The following RADIL variants were observed in gnomAD, a reference collection of about 807,000 sequenced individuals.
The protein encoded by RADIL is Rap associating with DIL domain, also known as ras-associating and dilute domain-containing protein.
Under a neutral mutation model 97.6 loss-of-function variants are expected in RADIL, and 99 were observed. The ratio of observed to expected loss-of-function variants is 1.01; its 90% CI spans 0.86 to 1.20. RADIL has a LOEUF of 1.20. RADIL is among the 50% of genes most tolerant of loss of function. The probability of loss-of-function intolerance (pLI) is 0.00; values close to 1 mark genes in which losing one functional copy is unlikely to be tolerated. For missense variants in RADIL, 1,765 were observed against 1,498.9 expected, an observed-to-expected ratio of 1.18 and a Z score of -2.93; for synonymous variants, 803 against 691.8, an observed-to-expected ratio of 1.16 and a Z score of -2.52.
At position 4,873,927 on chromosome 7, in the gene RADIL, C is replaced by A. The variant is rs1466311088; in HGVS notation, c.535+3678G>T. ...TGGAGAAGCTGCTACAGTGAAAAAC[C>A]CCTCGGCTTCCCACCTCCTCCCCTT... On this transcript the variant is annotated intron_variant, in intron 2 of 14. Transcript: ENST00000399583. The surrounding 1 kb of genome is among the most constrained non-coding windows in gnomAD (Gnocchi z 4.3). Among the ~76,000 whole-genome samples, 1 of 152,220 alleles carries A rather than the reference C, an allele frequency of 6.6e-6. No individual in the cohort carries two copies. The highest frequency in any genetic ancestry group is 1.9e-4 in the East Asian group (1 of 5,182).
At chr7:4,862,002 G>T in intron 2 of RADIL, 1 of 440,012 alleles carries the variant, frequency 2.3e-6, no homozygotes, top group Non-Finnish European at 4.0e-6. Flanking sequence ...CATGGCGCCA[G>T]ACCCCTCAGC....
At chr7:4,860,923 A>G in intron 2 of RADIL, 1 of 1,614,208 alleles carries the variant, frequency 6.2e-7, no homozygotes, top group South Asian at 1.1e-5. Flanking sequence ...CAGGCAAATT[A>G]AGATTCCGTT....
chr7:4,798,069 T>C lies in RADIL; in HGVS notation c.*1309A>G, dbSNP rs1583250939. Reference sequence around the variant, plus strand: ...ATTACGTATACATGAATATGTAATATATTCATATATAATTATATATTTATA... The same window carrying C: ...ATTACGTATACATGAATATGTAATACATTCATATATAATTATATATTTATA... On this transcript the variant is annotated 3_prime_UTR_variant, in exon 15 of 15. Transcript: ENST00000399583. The C allele has an allele frequency of 6.8e-6, 1 of 146,754 alleles. No individual in the cohort carries two copies. 9.1% of individuals were successfully genotyped at this position (146,754 alleles called of 1,614,324 possible).
chr7:4,834,822 G>C lies in RADIL; in HGVS notation c.1201C>G (p.Arg401Gly). 1 of 1,314,142 alleles carries C rather than the reference G, an allele frequency of 7.6e-7. No individual in the cohort carries two copies. The highest frequency in any genetic ancestry group is 9.7e-7 in the Non-Finnish European group (1 of 1,028,294). The allele number at this position is 1,314,142 out of a possible 1,614,324, so 81.4% of individuals were successfully genotyped here. ...AASPTQAALP[R>G]RQQLLLEFEP... ...AACTCCAGGAGCAGCTGCTGGCGCC[G>C]GGGCAGGGCGGCCTGAGTAGGGGAG... The change falls in exon 4 of 15, where the codon CGG (arginine) becomes GGG (glycine). Residue 401 changes from arginine (R) to glycine (G), a missense_variant. By Grantham distance (125) the Arg-to-Gly change is moderately radical. Transcript: ENST00000399583. The surrounding 1 kb of genome is among the most constrained non-coding windows in gnomAD (Gnocchi z 6.0).
In RADIL at chr7:4,824,474, T is replaced by C. The variant is rs559466441; in HGVS notation, c.1455-1920A>G. 1.3e-5 allele frequency among the ~76,000 whole-genome samples: 2 copies of C among 152,312 alleles called. No homozygotes were observed. Among genetic ancestry groups the C allele is most frequent in the South Asian group, 4.1e-4 (2 of 4,824 alleles). ...GGCTGAGGCCCTGTTTTCCTCCCTG[T>C]TCTTTCCCCAGCTGGGCAGCCGAGC... On this transcript the variant is annotated intron_variant, in intron 5 of 14. Coordinates refer to ENST00000399583, the MANE Select transcript of RADIL (RefSeq NM_018059.5). This position sits in a 1 kb window ranked among gnomAD's most constrained non-coding sequence, Gnocchi z 6.7.
At chr7:4,841,555 C>T (rs960696058) in intron 2 of RADIL, among the ~76,000 whole-genome samples, 1 of 152,178 alleles carries the variant, frequency 6.6e-6, no homozygotes, top group Non-Finnish European at 1.5e-5. Context: ...AGGAAGCCGG[C>T]GGGCGCGGGT....
intron 2 of RADIL, among the ~76,000 whole-genome samples, chr7:4,863,657 G>C (rs1424628994): frequency 1.3e-5 from 2 of 152,184 alleles, no homozygotes; most frequent in African/African-American, 2.4e-5. Context: ...ACAGTCTTTA[G>C]TTTTTCCCAC....
At chr7:4,861,859 C>CACGTCCCCCACCACCGCGACCTTA in intron 2 of RADIL, 1 of 1,290,982 alleles carries the variant, frequency 7.7e-7, no homozygotes, top group Non-Finnish European at 1.0e-6. Context: ...CCGCGACCTT[C>CACGTCCCCCACCACCGCGACCTTA]GCGGCCGCCG....
intron 2 of RADIL, chr7:4,865,595 ATCTTGC>A (rs1421933671): frequency 1.6e-5 from 13 of 800,676 alleles, no homozygotes; most frequent in Non-Finnish European, 3.0e-5. Context: ...TGTCACAGTG[ATCTTGC>A]TCTTGCTCCT....
intron 9 of RADIL, chr7:4,809,246 GGCC>G: frequency 1.0e-6 from 1 of 985,342 alleles, no homozygotes; most frequent in Non-Finnish European, 1.2e-6. Context: ...GCTCGGGCCT[GGCC>G]GCCAAGCTGG....
At chr7:4,805,008 C>G (rs929878091) in intron 10 of RADIL, among the ~76,000 whole-genome samples, 1 of 152,034 alleles carries the variant, frequency 6.6e-6, no homozygotes, top group Non-Finnish European at 1.5e-5. Flanking sequence ...GTAGGAGAAT[C>G]GCTTGAACCT....
chr7:4,833,332 A>T (rs1266757144), intron 4 of RADIL, among the ~76,000 whole-genome samples: 2 of 152,218 alleles, frequency 1.3e-5, no homozygotes, highest in Non-Finnish European at 2.9e-5. Flanking sequence ...GATCGTGCGA[A>T]AACCCATGAC....
At chr7:4,869,999 T>C (rs980594403) in intron 2 of RADIL, among the ~76,000 whole-genome samples, 1 of 151,998 alleles carries the variant, frequency 6.6e-6, no homozygotes, top group African/African-American at 2.4e-5. Context: ...ATAAGTCGAG[T>C]GTGTTGGCAT....
chr7:4,803,777 G>A lies in RADIL; in HGVS notation c.2291-23C>T, dbSNP rs191399881. ...CCTCTGCAGGGGAGAGAGGATGCCC[G>A]TAATGGCCACAGGAGAAGCTGCCTC... On this transcript the variant is annotated intron_variant, in intron 10 of 14. Coordinates refer to ENST00000399583, the MANE Select transcript of RADIL (RefSeq NM_018059.5). 75 of 1,537,348 alleles carry A rather than the reference G, an allele frequency of 4.9e-5. 1 individual carries two copies. The East Asian group carries it at 1.2e-3, about 25-fold the overall frequency.
chr7:4,813,964 G>C lies in RADIL; in HGVS notation c.2139+1314C>G, dbSNP rs912128314. Among the ~76,000 whole-genome samples the C allele has an allele frequency of 9.9e-5, 15 of 152,022 alleles. No homozygotes were observed. Among genetic ancestry groups the C allele is most frequent in the African/African-American group, 3.4e-4 (14 of 41,388 alleles). Reference sequence around the variant, plus strand: ...TCAGATTGCTTTTTTCTTTTTTGTAGAGATGGGGTCTCGCTGTGTTGCCCA... The same window carrying C: ...TCAGATTGCTTTTTTCTTTTTTGTACAGATGGGGTCTCGCTGTGTTGCCCA... On this transcript the variant is annotated intron_variant, in intron 9 of 14. Transcript: ENST00000399583. The surrounding 1 kb of genome is among the most constrained non-coding windows in gnomAD (Gnocchi z 5.0).
chr7:4,863,810 T>C (rs192183315), intron 2 of RADIL, among the ~76,000 whole-genome samples: 7 of 152,356 alleles, frequency 4.6e-5, no homozygotes, highest in African/African-American at 1.7e-4. Context: ...CCCTACCTTT[T>C]AAGGTCCCAA....
In RADIL at chr7:4,815,354, G is replaced by A. The variant is rs1001524151; in HGVS notation, c.2063C>T (p.Ala688Val). The A allele has an allele frequency of 1.4e-5, 22 of 1,557,808 alleles. No homozygotes were observed. The highest frequency in any genetic ancestry group is 2.0e-4 in the Middle Eastern group (1 of 5,068). Residue 688 changes from alanine to valine, a missense_variant, in exon 9 of 15, where the codon GCG becomes GTG. Transcript: ENST00000399583. This position sits in a 1 kb window ranked among gnomAD's most constrained non-coding sequence, Gnocchi z 8.0. ...CTTCTGGAAGAAGTGCTCTCCAGCC[G>A]CCCCGAAGCCGGCGCTCCGCATCCA... ...LEWMRSAGFGAAGEHFFQKLS... is the reference protein window; with the variant it reads ...LEWMRSAGFGVAGEHFFQKLS...
rs761307870 is a variant in RADIL, at chr7:4,798,926, G to A, written c.*452C>T. ...GGAGGGGCTGTTGGAGCTGCTTCCTGCAGTGCCCTGTGTCTGGGTGGGACG... is the reference window on the plus strand; with the variant it reads ...GGAGGGGCTGTTGGAGCTGCTTCCTACAGTGCCCTGTGTCTGGGTGGGACG... On this transcript the variant is annotated 3_prime_UTR_variant, in exon 15 of 15. Transcript: ENST00000399583. 2.4e-4 allele frequency: 43 copies of A among 179,908 alleles called. No individual in the cohort carries two copies. Among genetic ancestry groups the A allele is most frequent in the Non-Finnish European group, 4.5e-4 (38 of 83,976 alleles). The allele number at this position is 179,908 out of a possible 1,614,324, so 11.1% of individuals were successfully genotyped here. A position where few individuals can be genotyped will look rare whatever the true frequency, so the allele number is the denominator to read the frequency against.
At chr7:4,812,919 T>C (rs1782583557) in intron 9 of RADIL, among the ~76,000 whole-genome samples, 1 of 152,238 alleles carries the variant, frequency 6.6e-6, no homozygotes. Flanking sequence ...TATAAGGCTA[T>C]AACTTTTCCT....
Sources: allele counts gnomAD v4.1 joint callset (sites outside exome capture counted in the v4.1 genomes callset), GRCh38; gene constraint gnomAD v4.1.1; non-coding constraint Gnocchi (gnomAD v3.1); transcripts MANE v1.5; gene names NCBI Gene and HGNC (gene_info 2026-07-23, HGNC 2026-07-21).